Variants in PGAP4 observed in about 807,000 individuals in gnomAD.
The protein encoded by PGAP4 is post-GPI attachment to proteins GalNAc transferase 4, also known as GPI-N-acetylgalactosamine transferase PGAP4.
PGAP4 carries 12 observed loss-of-function variants against 28.2 expected under a neutral mutation model. The ratio of observed to expected loss-of-function variants is 0.42; its 90% CI spans 0.27 to 0.69. The LOEUF (loss-of-function observed/expected upper bound fraction) is 0.69, where lower values mean the gene tolerates loss of function less well. Ranked by LOEUF, PGAP4 falls within the 30% of genes least tolerant of loss-of-function variation. The pLI is 0.22. For missense variants in PGAP4, 425 were observed against 513.5 expected, an observed-to-expected ratio of 0.83 and a Z score of 1.67; for synonymous variants, 205 against 211.8, an observed-to-expected ratio of 0.97 and a Z score of 0.28.
At chr9:101,491,694 A>T (rs1826690741), upstream of PGAP4, among the ~76,000 whole-genome samples, 1 of 149,956 alleles carries the variant, frequency 6.7e-6, no homozygotes, top group African/African-American at 2.4e-5. Flanking sequence ...ATTTTTATTG[A>T]TTTCTAATTT....
At chr9:101,519,170 T>C (rs1250636322) in intron 2 of PGAP4, among the ~76,000 whole-genome samples, 1 of 152,148 alleles carries the variant, frequency 6.6e-6, no homozygotes, top group Admixed American at 6.5e-5. Flanking sequence ...TGTTTTGTTT[T>C]GTTTTTAGAT....
intron 1 of PGAP4, among the ~76,000 whole-genome samples, chr9:101,482,832 C>T (rs1028797445): frequency 1.1e-4 from 16 of 152,182 alleles, no homozygotes; most frequent in Admixed American, 1.0e-3. Context: ...TCATTTGTCA[C>T]TTTCTACTTC....
At chr9:101,506,344 A>G (rs1826848669) in intron 2 of PGAP4, among the ~76,000 whole-genome samples, 1 of 152,128 alleles carries the variant, frequency 6.6e-6, no homozygotes, top group Non-Finnish European at 1.5e-5. Flanking sequence ...TTCTCTTGGA[A>G]CAAAAAGGAA....
chr9:101,475,767 T>C lies in PGAP4; in HGVS notation c.*114A>G. 3 of 1,199,618 alleles carry C rather than the reference T, an allele frequency of 2.5e-6. No individual in the cohort carries two copies. The highest frequency in any genetic ancestry group is 1.5e-5 in the African/African-American group (1 of 65,772). 74.3% of individuals were successfully genotyped at this position (1,199,618 alleles called of 1,614,324 possible). A position where few individuals can be genotyped will look rare whatever the true frequency, so the allele number is the denominator to read the frequency against. On this transcript the variant is annotated 3_prime_UTR_variant, in exon 2 of 2. Transcript: ENST00000374848. ...GGTTCCTCAGCTGCCCCAGTGCCTA[T>C]ATCTCTAACAACAGTAAACAGTGAA... is the stretch of plus-strand genomic sequence containing the variant.
intron 2 of PGAP4, among the ~76,000 whole-genome samples, chr9:101,497,297 C>A (rs1418657064): frequency 6.6e-6 from 1 of 151,500 alleles, no homozygotes; most frequent in African/African-American, 2.4e-5. Flanking sequence ...AGATATTAGA[C>A]AAAGATAGTC....
exon 2 of PGAP4, chr9:101,531,377 T>A (rs1428957805): frequency 6.6e-6 from 1 of 152,186 alleles, no homozygotes; most frequent in African/African-American, 2.4e-5. Context: ...ACTAGAAAAG[T>A]CTGCTCTCTT....
At chr9:101,490,404 G>T (rs1312437684), upstream of PGAP4, among the ~76,000 whole-genome samples, 1 of 151,984 alleles carries the variant, frequency 6.6e-6, no homozygotes, top group Non-Finnish European at 1.5e-5. Flanking sequence ...TGGCCAGGCT[G>T]GTCTCAAACT....
At chr9:101,497,715 T>C (rs1826763461) in intron 2 of PGAP4, among the ~76,000 whole-genome samples, 1 of 151,722 alleles carries the variant, frequency 6.6e-6, no homozygotes, top group Admixed American at 6.6e-5. Context: ...AAAGATTTAC[T>C]TAAGTCATGA....
chr9:101,490,222 G>A (rs1826673810), upstream of PGAP4, among the ~76,000 whole-genome samples: 2 of 152,024 alleles, frequency 1.3e-5, no homozygotes, highest in African/African-American at 4.8e-5. Flanking sequence ...CACAGTCTCA[G>A]TCTGTCGCCG....
rs71356369 is a variant in PGAP4, at chr9:101,523,619, C to CTTTTTTTTTTTTTTTT, written c.-165+7713_-165+7728dup. Among the ~76,000 whole-genome samples the CTTTTTTTTTTTTTTTT allele has an allele frequency of 3.6e-3, 211 of 59,318 alleles. 20 individuals are homozygous for CTTTTTTTTTTTTTTTT. Among genetic ancestry groups the CTTTTTTTTTTTTTTTT allele is most frequent in the Non-Finnish European group, 4.1e-3 (133 of 32,454 alleles). The allele number at this position is 59,318 out of a possible 152,430, so 38.9% of individuals were successfully genotyped here. On this transcript the variant is annotated intron_variant, in intron 2 of 3. Coordinates refer to the PGAP4 transcript ENST00000374851. Reference sequence around the variant, plus strand: ...ACATTTCTCCCCTCACTTCTTGTATCTTTTTTTTTTTTTTTTTTTTTTTTT... The same window carrying CTTTTTTTTTTTTTTTT: ...ACATTTCTCCCCTCACTTCTTGTATCTTTTTTTTTTTTTTTTTTTTTTTTTTTTTTTTTTTTTTTTT...
intron 1 of PGAP4, chr9:101,480,541 A>C (rs1278987401): frequency 6.6e-6 from 1 of 152,226 alleles, no homozygotes; most frequent in Non-Finnish European, 1.5e-5. Context: ...ACAGAGCAGA[A>C]GGGAGTGCCA....
In PGAP4 at chr9:101,486,754, G is replaced by A. The variant is rs1322443984; in HGVS notation, c.-78+195C>T. ...CAGGAAGCGGTCGGAGCTGCGGGCA[G>A]GGCCGCTAGGCAACCCGCCTGCCCG... On this transcript the variant is annotated intron_variant, in intron 1 of 1. Transcript: ENST00000374848. This position sits in a 1 kb window ranked among gnomAD's most constrained non-coding sequence, Gnocchi z 4.7. 6.6e-6 allele frequency among the ~76,000 whole-genome samples: 1 copy of A among 152,158 alleles called. No individual in the cohort carries two copies. Among genetic ancestry groups the A allele is most frequent in the Non-Finnish European group, 1.5e-5 (1 of 68,022 alleles).
chr9:101,515,951 A>C (rs1278571296), intron 2 of PGAP4, among the ~76,000 whole-genome samples: 1 of 151,750 alleles, frequency 6.6e-6, no homozygotes, highest in African/African-American at 2.4e-5. Context: ...GTCTCACCAC[A>C]AAAAAAATGG....
chr9:101,517,143 G>GGACT (rs1456150525), intron 2 of PGAP4, among the ~76,000 whole-genome samples: 1 of 152,060 alleles, frequency 6.6e-6, no homozygotes, highest in African/African-American at 2.4e-5. Context: ...TGCTTAATGA[G>GGACT]GACTGTTTGT....
chr9:101,509,534 A>G (rs892005621), intron 2 of PGAP4, among the ~76,000 whole-genome samples: 21 of 152,268 alleles, frequency 1.4e-4, no homozygotes, highest in Non-Finnish European at 1.5e-4. Flanking sequence ...CTGGCCAGCA[A>G]TCTACCTTTA....
chr9:101,504,612 G>A (rs920690394), intron 2 of PGAP4, among the ~76,000 whole-genome samples: 5 of 151,758 alleles, frequency 3.3e-5, no homozygotes, highest in African/African-American at 1.2e-4. Flanking sequence ...TGGCTTTTTT[G>A]TCCCAAGAGT....
intron 1 of PGAP4, among the ~76,000 whole-genome samples, chr9:101,483,628 C>A (rs1826544122): frequency 6.6e-6 from 1 of 151,812 alleles, no homozygotes; most frequent in Admixed American, 6.6e-5. Flanking sequence ...ATATACATAG[C>A]AAGTATATAT....
intron 2 of PGAP4, among the ~76,000 whole-genome samples, chr9:101,493,987 A>C (rs78584774): frequency 6.6e-6 from 1 of 152,004 alleles, no homozygotes; most frequent in African/African-American, 2.4e-5. Context: ...GGGTTTTTTT[A>C]AAGAAATATA....
chr9:101,513,752 G>A (rs1268717956), intron 2 of PGAP4, among the ~76,000 whole-genome samples: 1 of 152,116 alleles, frequency 6.6e-6, no homozygotes, highest in African/African-American at 2.4e-5. Context: ...ATGGAGACAG[G>A]GAAGTCTCAC....
Sources: allele counts gnomAD v4.1 joint callset (sites outside exome capture counted in the v4.1 genomes callset), GRCh38; gene constraint gnomAD v4.1.1; non-coding constraint Gnocchi (gnomAD v3.1); transcripts MANE v1.5; gene names NCBI Gene and HGNC (gene_info 2026-07-23, HGNC 2026-07-21).